Variants in ERICH3 observed in about 807,000 individuals in gnomAD.
ERICH3 encodes the protein glutamate-rich protein 3.
In ERICH3, 126 loss-of-function variants were observed where a neutral mutation model predicts 131.1. The observed-to-expected ratio is 0.96, with a 90% CI of 0.83 to 1.11. The LOEUF (loss-of-function observed/expected upper bound fraction) is 1.11. ERICH3 is among the 50% of genes most tolerant of loss of function. The pLI is 0.00. For missense variants in ERICH3, 2,050 were observed against 1,810.7 expected (o/e 1.13, Z -2.40); for synonymous variants, 695 against 644.6 (o/e 1.08, Z -1.18).
intron 5 of ERICH3, 115 bp from the exon 6 acceptor site, chr1:74,636,553 G>T (rs1646391524): frequency 1.0e-6 from 1 of 1,003,184 alleles, no homozygotes; most frequent in African/African-American, 1.6e-5. Context: ...TTACTGAACA[G>T]ATTAAACTTT....
chr1:74,612,237 C>G (rs1473802932), intron 9 of ERICH3, among the ~76,000 whole-genome samples: 1 of 152,172 alleles, frequency 6.6e-6, no homozygotes, highest in Non-Finnish European at 1.5e-5. Context: ...GCTTGGCACA[C>G]ACTTTAAGGC....
At chr1:74,636,207 C>A in intron 6 of ERICH3, 73 bp downstream of exon 6, 4 of 1,222,368 alleles carry the variant, frequency 3.3e-6, no homozygotes, top group Non-Finnish European at 4.4e-6. Context: ...AATATAATAC[C>A]TTGACCACTG....
chr1:74,639,914 G>A (rs1028349650), intron 5 of ERICH3, among the ~76,000 whole-genome samples: 2 of 152,132 alleles, frequency 1.3e-5, no homozygotes, highest in African/African-American at 4.8e-5. Flanking sequence ...GAAAAAAAAG[G>A]GAGGGGGATT....
chr1:74,576,312 A>G (rs1647052632), intron 13 of ERICH3, among the ~76,000 whole-genome samples: 1 of 152,178 alleles, frequency 6.6e-6, no homozygotes, highest in Admixed American at 6.5e-5. Context: ...ATCAATAACA[A>G]CCAGTATCTC....
At chr1:74,589,516 T>G in intron 12 of ERICH3, 115 bp downstream of exon 12, 4 of 1,017,040 alleles carry the variant, frequency 3.9e-6, no homozygotes, top group Non-Finnish European at 5.9e-6. Context: ...CAAAAAATCT[T>G]GAATCCCTAA....
chr1:74,593,418 T>C (rs1218181189), intron 11 of ERICH3, among the ~76,000 whole-genome samples: 1 of 152,182 alleles, frequency 6.6e-6, no homozygotes, highest in Non-Finnish European at 1.5e-5. Flanking sequence ...GGTTATGCTA[T>C]TTAATTTCTT....
chr1:74,596,502 A>G (rs1356747518), intron 11 of ERICH3, among the ~76,000 whole-genome samples: 1 of 152,026 alleles, frequency 6.6e-6, no homozygotes, highest in Non-Finnish European at 1.5e-5. Context: ...CTTCTCTTCT[A>G]GCTATTTTGA....
intron 7 of ERICH3, chr1:74,622,454 T>C (rs1649255970): frequency 6.6e-6 from 1 of 152,238 alleles, no homozygotes; most frequent in Non-Finnish European, 1.5e-5. Context: ...TGACTCCTAC[T>C]TGGAAAATCA....
intron 3 of ERICH3, among the ~76,000 whole-genome samples, chr1:74,643,923 A>C (rs561085693): frequency 6.6e-6 from 1 of 152,284 alleles, no homozygotes; most frequent in East Asian, 1.9e-4. Flanking sequence ...GACTAGAAAG[A>C]AATGCATGTT....
At chr1:74,602,703 A>T (rs1184712722) in intron 10 of ERICH3, among the ~76,000 whole-genome samples, 1 of 151,974 alleles carries the variant, frequency 6.6e-6, no homozygotes, top group Non-Finnish European at 1.5e-5. Context: ...TATCATAGGT[A>T]TCATGAGTAT....
chr1:74,632,702 G>T (rs1646351875), intron 6 of ERICH3, among the ~76,000 whole-genome samples: 1 of 151,748 alleles, frequency 6.6e-6, no homozygotes, highest in South Asian at 2.1e-4. Flanking sequence ...AAAATAACAT[G>T]AATATATTTA....
chr1:74,606,779 A>T lies in ERICH3; in HGVS notation c.1311T>A (p.Tyr437Ter), dbSNP rs934596161. 5 of 1,613,180 alleles carry T rather than the reference A, an allele frequency of 3.1e-6. No individual in the cohort carries two copies. The African/African-American group carries it at 6.7e-5, about 22-fold the overall frequency. ...TGATCTCATTTCTTTTTGGTATCAC[A>T]TACTCTCTCTCTTTCCTCACTTTCC... ...AEGKVRKERE[Y>*]VIPKRNEIKE... Residue 437 changes from tyrosine (Y) to a stop codon, truncating the protein, a stop_gained, in exon 10 of 15, where the codon TAT becomes TAA. Transcript: ENST00000326665. LOFTEE classifies it high-confidence loss of function.
chr1:74,605,312 G>A (rs966276926), intron 10 of ERICH3, among the ~76,000 whole-genome samples: 9 of 151,804 alleles, frequency 5.9e-5, no homozygotes, highest in African/African-American at 1.7e-4. Flanking sequence ...TATTGAGACC[G>A]CTAAAATACT....
At chr1:74,674,127 T>C (rs1646766474), upstream of ERICH3, among the ~76,000 whole-genome samples, 2 of 152,122 alleles carry the variant, frequency 1.3e-5, no homozygotes, top group Non-Finnish European at 2.9e-5. Flanking sequence ...TCTCAATCTG[T>C]TTTGGGTTTT....
At chr1:74,606,560 C>G in intron 10 of ERICH3, 41 bp downstream of exon 10, 2 of 1,532,206 alleles carry the variant, frequency 1.3e-6, no homozygotes, top group Non-Finnish European at 1.8e-6. Context: ...ACAAACGAAA[C>G]AGCCACAGCT....
At chr1:74,616,960 A>G (rs1648992783) in intron 8 of ERICH3, among the ~76,000 whole-genome samples, 1 of 152,188 alleles carries the variant, frequency 6.6e-6, no homozygotes, top group Non-Finnish European at 1.5e-5. Context: ...AACCCACAAG[A>G]GAATAAATTC....
intron 7 of ERICH3, among the ~76,000 whole-genome samples, chr1:74,630,591 A>G (rs1412783817): frequency 3.9e-5 from 6 of 152,162 alleles, no homozygotes; most frequent in African/African-American, 1.4e-4. Flanking sequence ...TTGTTAGACT[A>G]AGCTCCAGTA....
chr1:74,659,301 C>T (rs548726924), intron 1 of ERICH3, among the ~76,000 whole-genome samples: 9 of 149,884 alleles, frequency 6.0e-5, no homozygotes, highest in African/African-American at 2.2e-4. Context: ...CTGCTACTGT[C>T]TCCACCCCTG....
At chr1:74,585,740 G>C (rs553696038) in intron 12 of ERICH3, among the ~76,000 whole-genome samples, 3 of 146,186 alleles carry the variant, frequency 2.1e-5, no homozygotes, top group Non-Finnish European at 4.4e-5. Flanking sequence ...TCCAGTCAGG[G>C]ATCTAAGTAC....
Sources: allele counts gnomAD v4.1 joint callset (sites outside exome capture counted in the v4.1 genomes callset), GRCh38; gene constraint gnomAD v4.1.1; transcripts MANE v1.5; gene names NCBI Gene and HGNC (gene_info 2026-07-23, HGNC 2026-07-21).